Variants in AK4 observed in about 807,000 individuals in gnomAD.
The protein encoded by AK4 is adenylate kinase 4.
In AK4, 13 loss-of-function variants were observed where a neutral mutation model predicts 24.6. That is an observed-to-expected ratio of 0.53 (90% confidence interval 0.34 to 0.84). AK4 has a LOEUF of 0.84. AK4 is among the 40% of genes least tolerant of loss of function. AK4 has a pLI of 0.01. For synonymous variants in AK4, 88 were observed against 107.0 expected (o/e 0.82, Z 1.10); for missense variants, 192 against 288.2 (o/e 0.67, Z 2.42).
intron 1 of AK4, among the ~76,000 whole-genome samples, chr1:65,152,378 ATATATATTTTTTTTTTTTTTTT>A (rs1649820403): frequency 3.4e-5 from 2 of 58,206 alleles, no homozygotes; most frequent in Admixed American, 3.0e-4. Flanking sequence ...ATATATATAT[ATATATATTTTTTTTTTTTTTTT>A]TTTTTTTTTT....
At chr1:65,206,983 G>T (rs747986725) in intron 2 of AK4, among the ~76,000 whole-genome samples, 1 of 152,118 alleles carries the variant, frequency 6.6e-6, no homozygotes, top group African/African-American at 2.4e-5. Flanking sequence ...AAATCCTCGC[G>T]ATGATCCCAG....
chr1:65,161,370 T>G (rs2100993270), intron 1 of AK4, among the ~76,000 whole-genome samples: 1 of 152,294 alleles, frequency 6.6e-6, no homozygotes, highest in East Asian at 1.9e-4. Flanking sequence ...GTCTAGGGTT[T>G]GAGCTCTGAG....
intron 2 of AK4, among the ~76,000 whole-genome samples, chr1:65,218,268 G>T (rs1652190464): frequency 6.9e-6 from 1 of 145,052 alleles, no homozygotes; most frequent in Admixed American, 6.8e-5. Context: ...AAGATAAAAT[G>T]CTTTCCCTTC....
At chr1:65,173,660 A>T (rs1002685030) in intron 1 of AK4, among the ~76,000 whole-genome samples, 4 of 152,140 alleles carry the variant, frequency 2.6e-5, no homozygotes, top group African/African-American at 9.7e-5. Flanking sequence ...TGTGCTCAGG[A>T]GTTCGAGCCT....
chr1:65,167,162 T>C (rs1403155449), intron 1 of AK4, among the ~76,000 whole-genome samples: 1 of 152,104 alleles, frequency 6.6e-6, no homozygotes, highest in African/African-American at 2.4e-5. Context: ...ATTATGTCAT[T>C]GTTAAGAGGG....
At chr1:65,204,016 C>A (rs913688604) in intron 2 of AK4, among the ~76,000 whole-genome samples, 2 of 152,010 alleles carry the variant, frequency 1.3e-5, no homozygotes, top group African/African-American at 4.8e-5. Flanking sequence ...CACTATAAAA[C>A]ATCCAAGCCA....
At chr1:65,211,775 T>A (rs565695855) in intron 2 of AK4, among the ~76,000 whole-genome samples, 1 of 152,324 alleles carries the variant, frequency 6.6e-6, no homozygotes, top group South Asian at 2.1e-4. Flanking sequence ...CTACTCTAAT[T>A]TAGTTTACTT....
intron 2 of AK4, among the ~76,000 whole-genome samples, chr1:65,193,113 A>C (rs1451028112): frequency 6.6e-6 from 1 of 152,154 alleles, no homozygotes; most frequent in Non-Finnish European, 1.5e-5. Flanking sequence ...CATTGTCCTA[A>C]TGGGGGCTGT....
chr1:65,166,666 G>A (rs910949237), intron 1 of AK4, among the ~76,000 whole-genome samples: 13 of 152,136 alleles, frequency 8.5e-5, no homozygotes, highest in Admixed American at 5.9e-4. Context: ...AGGACTACAG[G>A]TGCTCAACAC....
chr1:65,158,537 G>GTTGCCCA (rs1650050521), intron 1 of AK4, among the ~76,000 whole-genome samples: 1 of 152,130 alleles, frequency 6.6e-6, no homozygotes, highest in South Asian at 2.1e-4. Flanking sequence ...GCCTCAGTCT[G>GTTGCCCA]TTGCCCAGGC....
chr1:65,180,918 A>T (rs1650884040), intron 1 of AK4, among the ~76,000 whole-genome samples: 1 of 152,112 alleles, frequency 6.6e-6, no homozygotes. Context: ...ATGCAGTCTG[A>T]TACTTCAGGG....
chr1:65,178,677 A>G lies in AK4; in HGVS notation c.146-12033A>G, dbSNP rs184957106. Among the ~76,000 whole-genome samples the G allele has an allele frequency of 2.8e-4, 42 of 152,280 alleles. No individual in the cohort carries two copies. In the East Asian group the frequency reaches 7.7e-3, roughly 28 times the overall value. On this transcript the variant is annotated intron_variant, in intron 1 of 4. Coordinates refer to ENST00000327299, the MANE Select transcript of AK4 (RefSeq NM_013410.4). The stretch of plus-strand genomic sequence containing the variant: ...ACATTTGCTAGCCCTTCAGAAGCCC[A>G]ACTCCAGTGTGGGAAGCTTCTTTTG...
chr1:65,199,736 T>C (rs895326115), intron 2 of AK4, among the ~76,000 whole-genome samples: 1 of 152,160 alleles, frequency 6.6e-6, no homozygotes, highest in East Asian at 1.9e-4. Context: ...TCCAGAATGC[T>C]CGGGACCAGA....
At chr1:65,201,849 C>G (rs1248491244) in intron 2 of AK4, among the ~76,000 whole-genome samples, 1 of 152,112 alleles carries the variant, frequency 6.6e-6, no homozygotes, top group East Asian at 1.9e-4. Context: ...TGGAAAAGCT[C>G]TAGAGGTATG....
chr1:65,168,929 C>G (rs1650420582), intron 1 of AK4, among the ~76,000 whole-genome samples: 1 of 152,128 alleles, frequency 6.6e-6, no homozygotes, highest in African/African-American at 2.4e-5. Context: ...AATCCCAGCT[C>G]TTTGGCAGGC....
chr1:65,190,409 C>T (rs907178386), intron 1 of AK4, among the ~76,000 whole-genome samples: 17 of 138,660 alleles, frequency 1.2e-4, no homozygotes, highest in East Asian at 6.4e-4. Flanking sequence ...AGTACAGGCA[C>T]GAGCCACACA....
At chr1:65,150,144 G>A (rs1314090763) in intron 1 of AK4, among the ~76,000 whole-genome samples, 2 of 152,114 alleles carry the variant, frequency 1.3e-5, no homozygotes, top group African/African-American at 4.8e-5. Flanking sequence ...GCTTCACACT[G>A]TCCATCCTGG....
rs72928116 is a variant in AK4, at chr1:65,194,248, T to C, written c.265+3419T>C. On this transcript the variant is annotated intron_variant, in intron 2 of 4. Transcript: ENST00000327299. ...AGCTTGAAAGCTTTACTGCTTAAGA[T>C]ACTTCTTCCACCACATATCCTAGTT... Among the ~76,000 whole-genome samples the C allele has an allele frequency of 6.1e-3, 934 of 152,372 alleles. 6 individuals are homozygous for C. The highest frequency in any genetic ancestry group is 0.022 in the African/African-American group (897 of 41,592).
chr1:65,185,336 G>A (rs1272369133), intron 1 of AK4, among the ~76,000 whole-genome samples: 1 of 152,134 alleles, frequency 6.6e-6, no homozygotes, highest in Non-Finnish European at 1.5e-5. Flanking sequence ...GATTTCAGTA[G>A]CTGGTCTTGG....
Sources: allele counts gnomAD v4.1 joint callset (sites outside exome capture counted in the v4.1 genomes callset), GRCh38; gene constraint gnomAD v4.1.1; transcripts MANE v1.5; gene names NCBI Gene and HGNC (gene_info 2026-07-23, HGNC 2026-07-21).